Variants in LINC00305 observed in about 807,000 individuals in gnomAD.
LINC00305 encodes long intergenic non-protein coding RNA 305.
At chr18:64,106,357 T>C (rs2051290695) in intron 1 of LINC00305, among the ~76,000 whole-genome samples, 1 of 152,150 alleles carries the variant, frequency 6.6e-6, no homozygotes, top group East Asian at 1.9e-4. Flanking sequence ...CTGGCTTTCC[T>C]GGCAATGACG....
chr18:64,082,419 T>C (rs73962131), intron 3 of LINC00305, among the ~76,000 whole-genome samples: 7,956 of 152,180 alleles, frequency 0.052, 680 homozygotes, highest in African/African-American at 0.18. Context: ...TCCACATTTT[T>C]GGGGGGAGAC....
chr18:64,109,055 A>G (rs190162076), intron 1 of LINC00305, among the ~76,000 whole-genome samples: 5 of 152,330 alleles, frequency 3.3e-5, no homozygotes, highest in Non-Finnish European at 7.4e-5. Context: ...CATTTGAAAA[A>G]TCACTGCTGT....
chr18:64,104,794 C>T (rs946730855), intron 1 of LINC00305, among the ~76,000 whole-genome samples: 5 of 152,086 alleles, frequency 3.3e-5, no homozygotes, highest in East Asian at 1.9e-4. Flanking sequence ...GCCCAGGGAC[C>T]GGTCTGGACA....
At chr18:64,108,731 A>G (rs910854850) in intron 1 of LINC00305, among the ~76,000 whole-genome samples, 6 of 152,218 alleles carry the variant, frequency 3.9e-5, no homozygotes, top group African/African-American at 1.2e-4. Context: ...TGTAGTAGAC[A>G]CTGTCACTGA....
chr18:64,138,473 G>T (rs550774562), intron 1 of LINC00305, among the ~76,000 whole-genome samples: 3 of 152,146 alleles, frequency 2.0e-5, no homozygotes, highest in Admixed American at 6.5e-5. Flanking sequence ...TACATCACAC[G>T]CTGCTTTTGC....
At chr18:64,094,856 A>AAAT (rs1568105312) in intron 3 of LINC00305, among the ~76,000 whole-genome samples, 8 of 120,840 alleles carry the variant, frequency 6.6e-5, no homozygotes, top group African/African-American at 1.9e-4. Context: ...TTCATCTCAA[A>AAAT]AAATAAATAA....
intron 1 of LINC00305, among the ~76,000 whole-genome samples, chr18:64,140,365 C>T (rs1198316801): frequency 1.3e-5 from 2 of 152,242 alleles, no homozygotes; most frequent in Non-Finnish European, 1.5e-5. Context: ...CCTGCCACCA[C>T]ACCTGGCTAA....
intron 1 of LINC00305, among the ~76,000 whole-genome samples, chr18:64,112,079 C>T (rs750829251): frequency 6.6e-6 from 1 of 152,134 alleles, no homozygotes; most frequent in African/African-American, 2.4e-5. Context: ...TTTCTCGGAT[C>T]AGCATGCGTG....
chr18:64,140,052 C>T (rs2051454164), intron 1 of LINC00305, among the ~76,000 whole-genome samples: 1 of 152,076 alleles, frequency 6.6e-6, no homozygotes, highest in Non-Finnish European at 1.5e-5. Context: ...TCTGCTATTC[C>T]CTCGACTCAG....
At chr18:64,083,643 G>A (rs960677462) in intron 3 of LINC00305, among the ~76,000 whole-genome samples, 2 of 152,156 alleles carry the variant, frequency 1.3e-5, no homozygotes, top group African/African-American at 4.8e-5. Context: ...GAGAAAAGGA[G>A]CACGGGCCCC....
intron 2 of LINC00305, chr18:64,098,065 T>G (rs1274567089): frequency 2.2e-6 from 1 of 452,976 alleles, no homozygotes; most frequent in Non-Finnish European, 4.5e-6. Flanking sequence ...TAAAGATTTA[T>G]TACGTATTAT....
At chr18:64,114,736 A>T (rs1229714374) in intron 1 of LINC00305, among the ~76,000 whole-genome samples, 10 of 152,148 alleles carry the variant, frequency 6.6e-5, no homozygotes. Context: ...TTTAGTAGAG[A>T]TGGAGTTTTG....
At chr18:64,107,242 C>T (rs1452806471) in intron 1 of LINC00305, among the ~76,000 whole-genome samples, 2 of 152,136 alleles carry the variant, frequency 1.3e-5, no homozygotes, top group Admixed American at 6.5e-5. Context: ...CTGTTCTGGG[C>T]TCATATTCTG....
rs1370339392 is a variant in LINC00305 at position 64,138,485 on chromosome 18, G to A, written n.314+10290C>T. 2.0e-5 allele frequency among the ~76,000 whole-genome samples: 3 copies of A among 152,194 alleles called. No homozygotes were observed. In the South Asian group the frequency reaches 6.2e-4, roughly 31 times the overall value. ...ATTTACATCACACGCTGCTTTTGCT[G>A]TGTTACAGCTTATAGAACAGTTGAC... On this transcript the variant is annotated intron_variant and non_coding_transcript_variant, in intron 1 of 3. Transcript: ENST00000666468.
chr18:64,125,532 T>C (rs1364603713), intron 1 of LINC00305, among the ~76,000 whole-genome samples: 1 of 152,160 alleles, frequency 6.6e-6, no homozygotes, highest in African/African-American at 2.4e-5. Flanking sequence ...TGCAATATGT[T>C]TAATGAGATA....
intron 3 of LINC00305, among the ~76,000 whole-genome samples, chr18:64,084,223 A>G (rs1340726072): frequency 1.3e-5 from 2 of 152,220 alleles, no homozygotes; most frequent in East Asian, 3.8e-4. Context: ...TGTATATGGC[A>G]TATAGTATCA....
chr18:64,108,213 C>T (rs1012029127), intron 1 of LINC00305, among the ~76,000 whole-genome samples: 4 of 152,160 alleles, frequency 2.6e-5, no homozygotes, highest in East Asian at 1.9e-4. Context: ...TTGTTAAAGT[C>T]GAAGGAAGGG....
At chr18:64,130,856 G>A (rs528942242) in intron 1 of LINC00305, among the ~76,000 whole-genome samples, 1 of 152,288 alleles carries the variant, frequency 6.6e-6, no homozygotes, top group South Asian at 2.1e-4. Context: ...ATGTTGCATA[G>A]GAAGGAGATA....
At chr18:64,137,082 C>T (rs1156898510) in intron 1 of LINC00305, among the ~76,000 whole-genome samples, 17 of 152,166 alleles carry the variant, frequency 1.1e-4, no homozygotes, top group Non-Finnish European at 1.5e-4. Flanking sequence ...ATTGGATTCT[C>T]ATGAGTCTTA....
Sources: allele counts gnomAD v4.1 joint callset (sites outside exome capture counted in the v4.1 genomes callset), GRCh38; gene constraint gnomAD v4.1.1; transcripts MANE v1.5; gene names NCBI Gene and HGNC (gene_info 2026-07-23, HGNC 2026-07-21).